The following SGK1 variants were observed in gnomAD, a reference collection of about 807,000 sequenced individuals.
SGK1 encodes serum/glucocorticoid regulated kinase 1.
A neutral mutation model predicts 64.2 loss-of-function variants in SGK1; 26 were observed. That is an observed-to-expected ratio of 0.40 (90% CI 0.30 to 0.56). The LOEUF (loss-of-function observed/expected upper bound fraction) is 0.56. Among genes scored for constraint, SGK1 ranks in the 20% least tolerant of loss-of-function variants. The pLI is 0.38. For missense variants in SGK1, 519 were observed against 645.6 expected, an observed-to-expected ratio of 0.80 and a Z score of 2.12; for synonymous variants, 265 against 239.7, an observed-to-expected ratio of 1.11 and a Z score of -0.98.
At chr6:134,215,289 T>C (rs929029496) in intron 2 of SGK1, among the ~76,000 whole-genome samples, 8 of 151,666 alleles carry the variant, frequency 5.3e-5, no homozygotes, top group Non-Finnish European at 1.2e-4. Context: ...CTAATTTTTG[T>C]ATGTTTAGTA....
intron 1 of SGK1, among the ~76,000 whole-genome samples, chr6:134,283,394 G>A (rs954672388): frequency 6.6e-6 from 1 of 152,086 alleles, no homozygotes; most frequent in African/African-American, 2.4e-5. Flanking sequence ...AGGAGGCTGA[G>A]GTGAGAGAAT....
chr6:134,280,479 T>C (rs999548690), intron 1 of SGK1, among the ~76,000 whole-genome samples: 21 of 152,226 alleles, frequency 1.4e-4, no homozygotes, highest in Non-Finnish European at 2.9e-5. Context: ...GGTCTCACTA[T>C]ATTGCCCAGG....
intron 2 of SGK1, among the ~76,000 whole-genome samples, chr6:134,232,931 A>G (rs1289018363): frequency 6.6e-6 from 1 of 151,974 alleles, no homozygotes; most frequent in Non-Finnish European, 1.5e-5. Context: ...GTGTTCATGT[A>G]GTGGGAGTAC....
chr6:134,184,285 T>G (rs1478340219), intron 3 of SGK1, among the ~76,000 whole-genome samples: 2 of 151,144 alleles, frequency 1.3e-5, no homozygotes, highest in African/African-American at 2.4e-5. Context: ...GATCACGAGG[T>G]CAGGAGATCA....
intron 9 of SGK1, 137 bp from the exon 10 acceptor site, chr6:134,172,453 T>A: frequency 1.1e-6 from 1 of 902,738 alleles, no homozygotes; most frequent in Non-Finnish European, 1.7e-6. Context: ...AAGGGAGCCC[T>A]TGTTCTGCTC....
chr6:134,239,909 A>T (rs969430366), intron 2 of SGK1, among the ~76,000 whole-genome samples: 1 of 152,218 alleles, frequency 6.6e-6, no homozygotes, highest in Non-Finnish European at 1.5e-5. Flanking sequence ...GAGGCAGTGG[A>T]TAAGAGAAAT....
At chr6:134,192,107 G>A (rs1775522367) in intron 3 of SGK1, among the ~76,000 whole-genome samples, 1 of 152,088 alleles carries the variant, frequency 6.6e-6, no homozygotes, top group Non-Finnish European at 1.5e-5. Flanking sequence ...GGGATTACAG[G>A]CGTGAGCCAC....
intron 2 of SGK1, among the ~76,000 whole-genome samples, chr6:134,208,472 A>T (rs1050078252): frequency 2.6e-5 from 4 of 151,950 alleles, no homozygotes; most frequent in Non-Finnish European, 5.9e-5. Context: ...ATTTTGGTGC[A>T]CCCAACACCC....
chr6:134,234,476 A>G (rs1776334355), intron 2 of SGK1, among the ~76,000 whole-genome samples: 1 of 152,240 alleles, frequency 6.6e-6, no homozygotes, highest in Non-Finnish European at 1.5e-5. Flanking sequence ...AGACAAAAAG[A>G]CCAACTTAAA....
intron 1 of SGK1, among the ~76,000 whole-genome samples, chr6:134,284,884 TGAG>T (rs954444830): frequency 5.3e-5 from 8 of 152,232 alleles, no homozygotes; most frequent in African/African-American, 1.9e-4. Context: ...TTGTTATGGC[TGAG>T]TAGTATTCCT....
At position 134,169,562 on chromosome 6, in the gene SGK1, A is replaced by G. The variant is rs905779744; in HGVS notation, c.*706T>C. ...AACGGCTCTGACTGACAACTGGGGCATTGGTCCATAAAAACCCTTTCTAAA... is the reference window on the plus strand; with the variant it reads ...AACGGCTCTGACTGACAACTGGGGCGTTGGTCCATAAAAACCCTTTCTAAA... On this transcript the variant is annotated 3_prime_UTR_variant, in exon 14 of 14. Coordinates refer to ENST00000367858, the MANE Select transcript of SGK1 (RefSeq NM_001143676.3). 4 of 152,642 alleles carry G rather than the reference A, an allele frequency of 2.6e-5. No homozygotes were observed. The highest frequency in any genetic ancestry group is 9.6e-5 in the African/African-American group (4 of 41,462). 9.5% of individuals were successfully genotyped at this position (152,642 alleles called of 1,614,324 possible).
intron 3 of SGK1, among the ~76,000 whole-genome samples, chr6:134,185,555 A>AGTGTGTGTGTGTGTGTGTGTGTGT (rs55653141): frequency 4.1e-5 from 6 of 145,314 alleles, no homozygotes; most frequent in Non-Finnish European, 7.6e-5. Context: ...TATCTCTATG[A>AGTGTGTGTGTGTGTGTGTGTGTGT]GTGTGTGTGT....
chr6:134,235,690 G>T (rs529606717), intron 2 of SGK1, among the ~76,000 whole-genome samples: 1 of 151,804 alleles, frequency 6.6e-6, no homozygotes, highest in African/African-American at 2.4e-5. Flanking sequence ...TCCTGCCTCA[G>T]CCTCTCGAGT....
intron 2 of SGK1, among the ~76,000 whole-genome samples, chr6:134,232,851 C>CAA (rs1173880594): frequency 0.072 from 7,386 of 103,232 alleles, 245 homozygotes; most frequent in Non-Finnish European, 0.11. Flanking sequence ...GACTCCACCT[C>CAA]AAAAAAAAAA....
chr6:134,171,827 G>T, intron 10 of SGK1, 95 bp from the exon 11 acceptor site: 1 of 793,016 alleles, frequency 1.3e-6, no homozygotes, highest in Non-Finnish European at 2.1e-6. Context: ...GAGACCCAGA[G>T]CCAGCTTGGA....
chr6:134,247,111 A>G (rs1776536882), intron 2 of SGK1, among the ~76,000 whole-genome samples: 1 of 152,048 alleles, frequency 6.6e-6, no homozygotes, highest in Non-Finnish European at 1.5e-5. Context: ...TCTATGCCCC[A>G]GTGCTCAACT....
chr6:134,203,607 A>G (rs778832858), intron 3 of SGK1, among the ~76,000 whole-genome samples: 32 of 152,360 alleles, frequency 2.1e-4, no homozygotes, highest in Non-Finnish European at 3.7e-4. Context: ...TTGAAAGAAA[A>G]TGGAAAGAAA....
At chr6:134,254,031 G>A (rs1027489714) in intron 2 of SGK1, among the ~76,000 whole-genome samples, 5 of 150,926 alleles carry the variant, frequency 3.3e-5, no homozygotes, top group Middle Eastern at 3.4e-3. Flanking sequence ...GGCATGCAGC[G>A]CCTCTGGAAT....
Position 134,262,237 on chromosome 6 carries a change from G to T in SGK1, c.70-89C>A. ...TTTGGTGGGAAATCTGGTGGGATGGGAGCTCATGAAAGGAGAACTCGGTCT... is the reference window on the plus strand; with the variant it reads ...TTTGGTGGGAAATCTGGTGGGATGGTAGCTCATGAAAGGAGAACTCGGTCT... On this transcript the variant is annotated intron_variant, in intron 1 of 13. Coordinates refer to ENST00000367858, the MANE Select transcript of SGK1 (RefSeq NM_001143676.3). 6.4e-6 allele frequency: 6 copies of T among 932,218 alleles called. No individual in the cohort carries two copies. The South Asian group carries it at 6.8e-5, about 11-fold the overall frequency. The allele number at this position is 932,218 out of a possible 1,614,324, so 57.7% of individuals were successfully genotyped here.
Sources: allele counts gnomAD v4.1 joint callset (sites outside exome capture counted in the v4.1 genomes callset), GRCh38; gene constraint gnomAD v4.1.1; transcripts MANE v1.5; gene names NCBI Gene and HGNC (gene_info 2026-07-23, HGNC 2026-07-21).